The following SPPL3 variants were observed in gnomAD, a reference collection of about 807,000 sequenced individuals.
The protein encoded by SPPL3 is signal peptide peptidase like 3, also known as signal peptide peptidase-like 3.
A neutral mutation model predicts 42.4 loss-of-function variants in SPPL3; 5 were observed. The observed-to-expected ratio is 0.12, with a 90% CI of 0.06 to 0.25. The LOEUF is 0.25. Among genes scored for constraint, SPPL3 ranks in the 10% least tolerant of loss-of-function variants. The probability of loss-of-function intolerance (pLI) is 1.00; values close to 1 mark genes in which losing one functional copy is unlikely to be tolerated. For synonymous variants in SPPL3, 195 were observed against 181.8 expected, an observed-to-expected ratio of 1.07 and a Z score of -0.58; for missense variants, 235 against 489.0, an observed-to-expected ratio of 0.48 and a Z score of 4.90.
intron 6 of SPPL3, among the ~76,000 whole-genome samples, chr12:120,773,599 G>C (rs773778621): frequency 7.2e-5 from 11 of 152,148 alleles, no homozygotes; most frequent in Non-Finnish European, 1.5e-4. Context: ...ATTCGCCTCT[G>C]TGACACATGT....
Position 120,876,616 on chromosome 12 carries a change from C to CAAAAA in SPPL3, c.23+27224_23+27228dup, listed in dbSNP as rs71076676. 3.0e-3 allele frequency among the ~76,000 whole-genome samples: 156 copies of CAAAAA among 51,206 alleles called. 8 individuals are homozygous for CAAAAA. Among genetic ancestry groups the CAAAAA allele is most frequent in the African/African-American group, 0.012 (148 of 12,092 alleles). The allele number at this position is 51,206 out of a possible 152,430, so 33.6% of individuals were successfully genotyped here. On this transcript the variant is annotated intron_variant, in intron 1 of 10. Coordinates refer to ENST00000353487, the MANE Select transcript of SPPL3 (RefSeq NM_139015.5). ...TGTGTGACAGAGCGAGACTCTGTCT[C>CAAAAA]AAAAAAAAAAAAAAAAAAAAGAAGA...
intron 9 of SPPL3, among the ~76,000 whole-genome samples, chr12:120,766,659 T>C (rs1171070354): frequency 6.6e-6 from 1 of 152,160 alleles, no homozygotes; most frequent in African/African-American, 2.4e-5. Context: ...CCTGTGATGC[T>C]GGACTTGGGA....
At chr12:120,804,307 TATA>T (rs1168340481) in intron 2 of SPPL3, among the ~76,000 whole-genome samples, 1 of 152,110 alleles carries the variant, frequency 6.6e-6, no homozygotes, top group Non-Finnish European at 1.5e-5. Context: ...AGATAACAAT[TATA>T]AGCATACAGA....
intron 1 of SPPL3, among the ~76,000 whole-genome samples, chr12:120,841,375 C>A (rs890097739): frequency 4.6e-5 from 7 of 151,896 alleles, no homozygotes; most frequent in African/African-American, 1.7e-4. Flanking sequence ...CTATTAAAAT[C>A]TTTATTATTC....
intron 2 of SPPL3, among the ~76,000 whole-genome samples, chr12:120,803,502 A>G (rs1041000669): frequency 6.6e-6 from 1 of 152,166 alleles, no homozygotes; most frequent in African/African-American, 2.4e-5. Flanking sequence ...TAACCTTAAC[A>G]TTATTTTTTT....
At chr12:120,806,870 A>AAAGG (rs767779239) in intron 2 of SPPL3, among the ~76,000 whole-genome samples, 1 of 150,858 alleles carries the variant, frequency 6.6e-6, no homozygotes, top group East Asian at 2.0e-4. Flanking sequence ...AGAAAGAAAG[A>AAAGG]AAACATAGGA....
intron 6 of SPPL3, among the ~76,000 whole-genome samples, chr12:120,771,389 C>T (rs1425418891): frequency 6.6e-6 from 1 of 152,218 alleles, no homozygotes; most frequent in East Asian, 1.9e-4. Context: ...TCTGCCTGAA[C>T]GATCTCCTCC....
intron 6 of SPPL3, among the ~76,000 whole-genome samples, chr12:120,774,571 T>G (rs1869244916): frequency 6.6e-6 from 1 of 152,076 alleles, no homozygotes; most frequent in African/African-American, 2.4e-5. Flanking sequence ...CTAGTCTAAG[T>G]TCCGTGTATG....
intron 1 of SPPL3, among the ~76,000 whole-genome samples, chr12:120,894,820 G>A (rs994638279): frequency 6.6e-6 from 1 of 152,154 alleles, no homozygotes; most frequent in Admixed American, 6.5e-5. Context: ...GGTGGCGCAT[G>A]CCTGTAATAC....
intron 2 of SPPL3, among the ~76,000 whole-genome samples, chr12:120,796,350 T>G (rs991358271): frequency 5.9e-5 from 9 of 152,192 alleles, no homozygotes; most frequent in African/African-American, 1.9e-4. Flanking sequence ...CACTCCAGCC[T>G]GGACGACAGA....
At chr12:120,888,781 G>A (rs1023896744) in intron 1 of SPPL3, among the ~76,000 whole-genome samples, 1 of 152,126 alleles carries the variant, frequency 6.6e-6, no homozygotes, top group African/African-American at 2.4e-5. Flanking sequence ...CACTTTAAAT[G>A]ACTGAATTGT....
chr12:120,828,247 T>C (rs1463307731), intron 1 of SPPL3, among the ~76,000 whole-genome samples: 1 of 152,004 alleles, frequency 6.6e-6, no homozygotes, highest in Non-Finnish European at 1.5e-5. Flanking sequence ...AGAGATCACA[T>C]GGAAAATTAG....
chr12:120,837,749 TC>T (rs1461421872), intron 1 of SPPL3, among the ~76,000 whole-genome samples: 1 of 152,184 alleles, frequency 6.6e-6, no homozygotes, highest in Non-Finnish European at 1.5e-5. Flanking sequence ...CAACATTTAT[TC>T]TCTCCCTTTT....
chr12:120,763,822 TAA>T lies in SPPL3; in HGVS notation c.*1175_*1176del. The T allele has an allele frequency of 6.7e-6, 1 of 149,864 alleles. No homozygotes were observed. Among genetic ancestry groups the T allele is most frequent in the Non-Finnish European group, 1.5e-5 (1 of 67,466 alleles). The allele number at this position is 149,864 out of a possible 1,614,324, so 9.3% of individuals were successfully genotyped here. ...TTGCTTTTTTCCTTTTTTTTTTTCT[TAA>T]AGGAGTGAGGGCATGGAAAATATAC... On this transcript the variant is annotated 3_prime_UTR_variant, in exon 11 of 11. Transcript: ENST00000353487.
intron 1 of SPPL3, among the ~76,000 whole-genome samples, chr12:120,829,918 C>T (rs138889325): frequency 1.3e-4 from 19 of 149,936 alleles, no homozygotes; most frequent in Non-Finnish European, 2.5e-4. Flanking sequence ...CACTTGAATG[C>T]GCGAGATAGA....
chr12:120,827,343 TAA>T, intron 1 of SPPL3, among the ~76,000 whole-genome samples: 1 of 147,434 alleles, frequency 6.8e-6, no homozygotes, highest in Non-Finnish European at 1.5e-5. Context: ...ATAATAATAA[TAA>T]TAATAATAAT....
At chr12:120,775,643 T>C (rs1394938379) in intron 6 of SPPL3, among the ~76,000 whole-genome samples, 1 of 152,186 alleles carries the variant, frequency 6.6e-6, no homozygotes, top group Non-Finnish European at 1.5e-5. Flanking sequence ...ACTAGGGGTG[T>C]GTACTCAATA....
At chr12:120,767,801 T>C (rs11065259) in intron 8 of SPPL3, among the ~76,000 whole-genome samples, 36,524 of 152,020 alleles carry the variant, frequency 0.24, 5,575 homozygotes, top group African/African-American at 0.42. Flanking sequence ...TTGGCCCCCC[T>C]GTTTCAGGAG....
At chr12:120,875,313 G>A (rs79026173) in intron 1 of SPPL3, among the ~76,000 whole-genome samples, 1 of 151,994 alleles carries the variant, frequency 6.6e-6, no homozygotes, top group African/African-American at 2.4e-5. Context: ...TTAAGTTACA[G>A]GTGAAATAGT....
Sources: allele counts gnomAD v4.1 joint callset (sites outside exome capture counted in the v4.1 genomes callset), GRCh38; gene constraint gnomAD v4.1.1; transcripts MANE v1.5; gene names NCBI Gene and HGNC (gene_info 2026-07-23, HGNC 2026-07-21).